The following PIK3R2 variants were observed in gnomAD, a reference collection of about 807,000 sequenced individuals.
PIK3R2 encodes phosphoinositide-3-kinase regulatory subunit 2.
Under a neutral mutation model 78.5 loss-of-function variants are expected in PIK3R2, and 40 were observed. That is an observed-to-expected ratio of 0.51 (90% CI 0.40 to 0.66). The LOEUF is 0.66. Ranked by LOEUF, PIK3R2 falls within the 30% of genes least tolerant of loss-of-function variation. The probability of loss-of-function intolerance (pLI) is 0.00; values close to 1 mark genes in which losing one functional copy is unlikely to be tolerated. For synonymous variants in PIK3R2, 473 were observed against 457.7 expected (o/e 1.03, Z -0.43); for missense variants, 880 against 1,026.6 (o/e 0.86, Z 1.95).
intron 2 of PIK3R2, among the ~76,000 whole-genome samples, chr19:18,158,472 C>T (rs2043702382): frequency 7.2e-6 from 1 of 138,652 alleles, no homozygotes; most frequent in Non-Finnish European, 1.5e-5. Flanking sequence ...GCCTGGGTGA[C>T]AGAGCAAGAC....
At position 18,170,412 on chromosome 19, in the gene PIK3R2, T is replaced by G. The variant is rs1967159601; in HGVS notation, c.*1118T>G. The G allele has an allele frequency of 6.6e-6, 1 of 152,114 alleles. No homozygotes were observed. The highest frequency in any genetic ancestry group is 2.4e-5 in the African/African-American group (1 of 41,416). The allele number at this position is 152,114 out of a possible 1,614,324, so 9.4% of individuals were successfully genotyped here. ...TGCAAAACCCTCTTTCCTCTCCTCT[T>G]TTGGGACAAGAGCCCTGGTTTTCTA... On this transcript the variant is annotated 3_prime_UTR_variant, in exon 16 of 16. Coordinates refer to ENST00000222254, the MANE Select transcript of PIK3R2 (RefSeq NM_005027.4).
intron 11 of PIK3R2, among the ~76,000 whole-genome samples, chr19:18,164,604 T>C (rs2043787720): frequency 6.6e-6 from 1 of 151,884 alleles, no homozygotes; most frequent in Non-Finnish European, 1.5e-5. Flanking sequence ...TCGTCCCTAG[T>C]ACCCTAAGGG....
At chr19:18,153,464 C>T (rs2043640088) in intron 1 of PIK3R2, among the ~76,000 whole-genome samples, 170 bp downstream of exon 1, 1 of 152,184 alleles carries the variant, frequency 6.6e-6, no homozygotes, top group Non-Finnish European at 1.5e-5. Flanking sequence ...GGGCTCGGCT[C>T]CGCAGCGGTG....
At chr19:18,157,007 G>C (rs2043684543) in intron 2 of PIK3R2, among the ~76,000 whole-genome samples, 1 of 152,198 alleles carries the variant, frequency 6.6e-6, no homozygotes, top group Admixed American at 6.5e-5. Flanking sequence ...CCAGCAAAAG[G>C]CCCTGTGTGC....
chr19:18,154,558 G>A (rs2043657830), intron 1 of PIK3R2, among the ~76,000 whole-genome samples: 1 of 152,134 alleles, frequency 6.6e-6, no homozygotes, highest in Non-Finnish European at 1.5e-5. Context: ...TCTTAGTTCA[G>A]CTGGCCTGAC....
At position 18,161,114 on chromosome 19, in the gene PIK3R2, G is replaced by A. The variant is rs111848145; in HGVS notation, c.527G>A (p.Ser176Asn). The A allele has an allele frequency of 1.6e-5, 26 of 1,590,586 alleles. No homozygotes were observed. The African/African-American group carries it at 3.2e-4, about 20-fold the overall frequency. Reference sequence around the variant, plus strand: ...GCAGCCCTGGCTGACGGCATTAAGAGCTTCCTGCTGGCACTGCCCGCGCCG... The same window carrying A: ...GCAGCCCTGGCTGACGGCATTAAGAACTTCCTGCTGGCACTGCCCGCGCCG... ...DTAALADGIK[S>N]FLLALPAPLV... The change falls in exon 5 of 16, where the codon AGC becomes AAC. Residue 176 changes from serine to asparagine, a missense_variant. Ser to Asn is a conservative substitution (Grantham distance 46). Coordinates refer to ENST00000222254, the MANE Select transcript of PIK3R2 (RefSeq NM_005027.4). The surrounding 1 kb of genome is among the most constrained non-coding windows in gnomAD (Gnocchi z 5.3).
chr19:18,162,689 G>A, intron 9 of PIK3R2, 183 bp downstream of exon 9: 1 of 617,284 alleles, frequency 1.6e-6, no homozygotes, highest in East Asian at 2.8e-5. Context: ...TTTAAAACCA[G>A]CCTGGCCAAC....
chr19:18,162,303 A>T lies in PIK3R2; in HGVS notation c.1003A>T (p.Ile335Phe). 2 of 1,605,784 alleles carry T rather than the reference A, an allele frequency of 1.2e-6. No individual in the cohort carries two copies. Among genetic ancestry groups the T allele is most frequent in the Non-Finnish European group, 1.7e-6 (2 of 1,173,290 alleles). ...GGATGCTGAGTGGTACTGGGGGGAC[A>T]TTTCAAGGTAGGTTGCTGGCAGGGG... ...LQDAEWYWGD[I>F]SREEVNEKLR... Residue 335 changes from isoleucine to phenylalanine, a missense_variant, in exon 8 of 16, where the codon ATT (isoleucine) becomes TTT (phenylalanine). Ile to Phe is a conservative substitution (Grantham distance 21). Coordinates refer to ENST00000222254, the MANE Select transcript of PIK3R2 (RefSeq NM_005027.4).
At chr19:18,153,609 G>A (rs1273882591) in intron 1 of PIK3R2, among the ~76,000 whole-genome samples, 2 of 152,334 alleles carry the variant, frequency 1.3e-5, no homozygotes, top group South Asian at 4.1e-4. Flanking sequence ...GGGCGCCCAG[G>A]CATTGTGCGG....
rs1315809394 is a variant in PIK3R2, at chr19:18,167,272, A to G, written c.1702A>G (p.Met568Val). The change falls in exon 13 of 16, where the codon ATG becomes GTG. Residue 568 changes from methionine (M) to valine (V), a missense_variant. Physicochemically the swap from Met to Val is conservative, Grantham distance 21. Around this residue, in one of 3 missense-constraint regions of PIK3R2, gnomAD observed 268 missense variants for 299.1 expected, o/e 0.90. Coordinates refer to ENST00000222254, the MANE Select transcript of PIK3R2 (RefSeq NM_005027.4). This position sits in a 1 kb window ranked among gnomAD's most constrained non-coding sequence, Gnocchi z 4.5. ...CATGAACAGCCTCAAGCCGGACCTC[A>G]TGCAGCTGCGCAAGATCCGAGACCA... is the stretch of plus-strand genomic sequence containing the variant. The part of the protein sequence containing the change: ...KRMNSLKPDL[M>V]QLRKIRDQYL... 6.2e-7 allele frequency: 1 copy of G among 1,607,364 alleles called. No individual in the cohort carries two copies.
At chr19:18,165,809 G>A (rs987283253) in intron 11 of PIK3R2, among the ~76,000 whole-genome samples, 17 of 152,256 alleles carry the variant, frequency 1.1e-4, no homozygotes, top group African/African-American at 4.1e-4. Flanking sequence ...ACTTTGTTAG[G>A]GGTTGTTGGA....
At chr19:18,162,383 G>C in intron 8 of PIK3R2, 25 bp from the exon 9 acceptor site, 1 of 1,609,830 alleles carries the variant, frequency 6.2e-7, no homozygotes, top group African/African-American at 1.3e-5. Flanking sequence ...TGGCTCGGCA[G>C]TCCCAATGTT....
At chr19:18,159,603 C>T (rs2043719679) in intron 2 of PIK3R2, among the ~76,000 whole-genome samples, 1 of 151,078 alleles carries the variant, frequency 6.6e-6, no homozygotes, top group Admixed American at 6.6e-5. Context: ...CCACACCTGG[C>T]TCATTTTTTT....
At position 18,161,461 on chromosome 19, in the gene PIK3R2, C is replaced by CCGT. The variant is rs2043745476; in HGVS notation, c.783_785dup (p.Ser263dup). The CCGT allele has an allele frequency of 3.3e-6, 4 of 1,198,122 alleles. No homozygotes were observed. Among genetic ancestry groups the CCGT allele is most frequent in the East Asian group, 3.5e-5 (1 of 28,806 alleles). 74.2% of individuals were successfully genotyped at this position (1,198,122 alleles called of 1,614,324 possible). On this transcript the variant is annotated inframe_insertion, in exon 6 of 16. Coordinates refer to ENST00000222254, the MANE Select transcript of PIK3R2 (RefSeq NM_005027.4). This position sits in a 1 kb window ranked among gnomAD's most constrained non-coding sequence, Gnocchi z 5.3. ...GCTGCTGCTGCGCGCGCCGCCGCCGCCGTCCTCGCCGCCGCCAGGGGGCGC... is the reference window on the plus strand; with the variant it reads ...GCTGCTGCTGCGCGCGCCGCCGCCGCCGTCGTCCTCGCCGCCGCCAGGGGGCGC...
At chr19:18,164,855 C>T (rs532972121) in intron 11 of PIK3R2, among the ~76,000 whole-genome samples, 182 of 143,442 alleles carry the variant, frequency 1.3e-3, no homozygotes, top group Middle Eastern at 3.5e-3. Flanking sequence ...AGGCTGGTCT[C>T]GAACTCCTGG....
chr19:18,162,404 A>G lies in PIK3R2; in HGVS notation c.1011-4A>G, dbSNP rs1156861377. 1 of 1,613,052 alleles carries G rather than the reference A, an allele frequency of 6.2e-7. No individual in the cohort carries two copies. The highest frequency in any genetic ancestry group is 8.5e-7 in the Non-Finnish European group (1 of 1,179,712). On this transcript the variant is annotated splice_polypyrimidine_tract_variant and splice_region_variant and intron_variant, in intron 8 of 15. Transcript: ENST00000222254. ...GGCAGTCCCAATGTTGGATGTTCCCACAGGGAGGAGGTGAACGAGAAACTC... is the reference window on the plus strand; with the variant it reads ...GGCAGTCCCAATGTTGGATGTTCCCGCAGGGAGGAGGTGAACGAGAAACTC...
chr19:18,154,456 C>T (rs2043657067), intron 1 of PIK3R2, among the ~76,000 whole-genome samples: 1 of 152,168 alleles, frequency 6.6e-6, no homozygotes, highest in African/African-American at 2.4e-5. Context: ...CCCACTCACT[C>T]CTCCTCTGCA....
chr19:18,159,764 C>T (rs1488286334), intron 2 of PIK3R2, among the ~76,000 whole-genome samples: 6 of 151,858 alleles, frequency 4.0e-5, no homozygotes, highest in African/African-American at 9.7e-5. Flanking sequence ...ATTTTTGAAA[C>T]GGAGTCTTGC....
At chr19:18,162,716 T>G in intron 9 of PIK3R2, 1 of 600,780 alleles carries the variant, frequency 1.7e-6, no homozygotes, top group Non-Finnish European at 2.9e-6. Flanking sequence ...AAACCCCGTC[T>G]CTACTAAAAA....
Sources: gnomAD v4.1 joint callset for allele counts (sites outside exome capture counted in the v4.1 genomes callset) on GRCh38, gnomAD v4.1.1 for gene constraint, gnomAD v4.1.1 regional missense constraint, Gnocchi (gnomAD v3.1) non-coding constraint, MANE v1.5 for transcripts, NCBI Gene and HGNC (gene_info 2026-07-23, HGNC 2026-07-21) for gene names.